The following CYB5R4 variants were observed in gnomAD, a reference collection of about 807,000 sequenced individuals.
The protein encoded by CYB5R4 is cytochrome b5 reductase 4.
CYB5R4 carries 55 observed loss-of-function variants against 70.2 expected under a neutral mutation model. The ratio of observed to expected loss-of-function variants is 0.78; its 90% CI spans 0.63 to 0.98. The LOEUF (loss-of-function observed/expected upper bound fraction) is 0.98, where lower values mean the gene tolerates loss of function less well. Among genes scored for constraint, CYB5R4 ranks in the 50% least tolerant of loss-of-function variants. CYB5R4 has a pLI of 0.00. For missense variants in CYB5R4, 562 were observed against 612.6 expected, an observed-to-expected ratio of 0.92 and a Z score of 0.87; for synonymous variants, 197 against 199.5, an observed-to-expected ratio of 0.99 and a Z score of 0.11.
At chr6:83,906,231 T>C (rs1350613597) in intron 3 of CYB5R4, among the ~76,000 whole-genome samples, 1 of 152,174 alleles carries the variant, frequency 6.6e-6, no homozygotes, top group Non-Finnish European at 1.5e-5. Context: ...GGTGACTTGC[T>C]CTTGCCTCAG....
chr6:83,880,521 T>G (rs2129131377), intron 2 of CYB5R4, among the ~76,000 whole-genome samples: 1 of 152,290 alleles, frequency 6.6e-6, no homozygotes, highest in Middle Eastern at 3.4e-3. Flanking sequence ...TTGTGTAATA[T>G]TGATGTAAGT....
At chr6:83,882,270 A>G (rs573550324) in intron 2 of CYB5R4, among the ~76,000 whole-genome samples, 1 of 152,332 alleles carries the variant, frequency 6.6e-6, no homozygotes, top group South Asian at 2.1e-4. Flanking sequence ...ACTGGCTTGA[A>G]TAACTAGATG....
chr6:83,922,604 GAT>G (rs2099466561), intron 9 of CYB5R4, 134 bp downstream of exon 9: 6 of 631,636 alleles, frequency 9.5e-6, no homozygotes, highest in East Asian at 5.7e-5. Flanking sequence ...GCAAAACAAA[GAT>G]GTGATGTTTT....
intron 4 of CYB5R4, chr6:83,910,048 A>G (rs1278708553): frequency 6.2e-7 from 1 of 1,612,530 alleles, no homozygotes; most frequent in Non-Finnish European, 8.5e-7. Context: ...TGCATTGGAC[A>G]GCTCTTTGGT....
At chr6:83,940,962 G>C (rs2099469675) in intron 14 of CYB5R4, among the ~76,000 whole-genome samples, 1 of 152,156 alleles carries the variant, frequency 6.6e-6, no homozygotes, top group Non-Finnish European at 1.5e-5. Flanking sequence ...GGTGAGAATG[G>C]ATTAAGCAAA....
chr6:83,917,432 T>C (rs529574271), intron 5 of CYB5R4, among the ~76,000 whole-genome samples: 1 of 152,280 alleles, frequency 6.6e-6, no homozygotes, highest in East Asian at 1.9e-4. Flanking sequence ...AGAATATTTA[T>C]ATCAACACTG....
intron 14 of CYB5R4, among the ~76,000 whole-genome samples, chr6:83,946,462 T>C (rs1022439059): frequency 2.0e-5 from 3 of 152,258 alleles, no homozygotes; most frequent in Admixed American, 1.3e-4. Flanking sequence ...ACATCTGATA[T>C]CATGCTGAAT....
chr6:83,895,046 A>G (rs1035577641), intron 3 of CYB5R4, among the ~76,000 whole-genome samples: 1 of 152,222 alleles, frequency 6.6e-6, no homozygotes, highest in East Asian at 1.9e-4. Flanking sequence ...CCTGGGTTGG[A>G]GAAGAGTCAT....
At chr6:83,923,238 A>T (rs2099466701) in intron 9 of CYB5R4, among the ~76,000 whole-genome samples, 1 of 152,164 alleles carries the variant, frequency 6.6e-6, no homozygotes, top group South Asian at 2.1e-4. Context: ...GGTTTTACAC[A>T]GCTATTTAAT....
rs571689095 is a variant in CYB5R4 at position 83,878,598 on chromosome 6, G to T, written c.229+14270G>T. On this transcript the variant is annotated intron_variant, in intron 2 of 15. Coordinates refer to ENST00000369681, the MANE Select transcript of CYB5R4 (RefSeq NM_016230.4). The stretch of plus-strand genomic sequence containing the variant: ...CCTGACCTTGTGATCCACCTGCCTC[G>T]GCCTCCCAAAGTGCTAGGATTACAG... Among the ~76,000 whole-genome samples, 4 of 152,086 alleles carry T rather than the reference G, an allele frequency of 2.6e-5. No individual in the cohort carries two copies. The East Asian group carries it at 7.7e-4, about 29-fold the overall frequency.
At chr6:83,957,222 A>T (rs1162502994) in intron 15 of CYB5R4, among the ~76,000 whole-genome samples, 1 of 152,120 alleles carries the variant, frequency 6.6e-6, no homozygotes, top group Non-Finnish European at 1.5e-5. Context: ...AATATAAAAA[A>T]TTTTTTATGA....
chr6:83,934,741 GT>G lies in CYB5R4; in HGVS notation c.955+7del. ...CCTCAAGCTACCTATTACAGGTAAG[GT>G]GAATAGAGGCTTTGGGACACAATTT... is the stretch of plus-strand genomic sequence containing the variant. On this transcript the variant is annotated splice_region_variant and intron_variant, in intron 11 of 15. Coordinates refer to ENST00000369681, the MANE Select transcript of CYB5R4 (RefSeq NM_016230.4). 1 of 1,605,908 alleles carries G rather than the reference GT, an allele frequency of 6.2e-7. No individual in the cohort carries two copies. The highest frequency in any genetic ancestry group is 8.5e-7 in the Non-Finnish European group (1 of 1,177,024).
chr6:83,905,453 G>T (rs1054111849), intron 3 of CYB5R4, among the ~76,000 whole-genome samples: 1 of 152,192 alleles, frequency 6.6e-6, no homozygotes, highest in Non-Finnish European at 1.5e-5. Flanking sequence ...GGTGTGTGCA[G>T]TAGTGTAGTC....
At chr6:83,867,603 T>C (rs2099456937) in intron 2 of CYB5R4, among the ~76,000 whole-genome samples, 1 of 152,182 alleles carries the variant, frequency 6.6e-6, no homozygotes, top group African/African-American at 2.4e-5. Context: ...TTGACAAAGG[T>C]CATGGAATAA....
chr6:83,959,704 A>AC, intron 15 of CYB5R4, 120 bp from the exon 16 acceptor site: 1 of 838,410 alleles, frequency 1.2e-6, no homozygotes, highest in East Asian at 3.0e-5. Flanking sequence ...TTATTTAAAA[A>AC]AAACTACATA....
At position 83,933,007 on chromosome 6, in the gene CYB5R4, T is replaced by C. The variant is rs1427969059; in HGVS notation, c.815-1588T>C. On this transcript the variant is annotated intron_variant, in intron 10 of 15. Coordinates refer to ENST00000369681, the MANE Select transcript of CYB5R4 (RefSeq NM_016230.4). ...TACTTTGACAGTTATTTGCGTGATT[T>C]ATAACGTTAAATATTTATACATATA... is the stretch of plus-strand genomic sequence containing the variant. Among the ~76,000 whole-genome samples, 4 of 152,208 alleles carry C rather than the reference T, an allele frequency of 2.6e-5. No homozygotes were observed. In the East Asian group the frequency reaches 5.8e-4, roughly 22 times the overall value.
intron 12 of CYB5R4, among the ~76,000 whole-genome samples, chr6:83,936,977 A>G (rs2099469010): frequency 6.6e-6 from 1 of 152,222 alleles, no homozygotes; most frequent in Non-Finnish European, 1.5e-5. Context: ...TACTTTTTTA[A>G]AAAGACCCAA....
At chr6:83,914,914 G>A (rs1283001239) in intron 5 of CYB5R4, among the ~76,000 whole-genome samples, 3 of 151,066 alleles carry the variant, frequency 2.0e-5, no homozygotes, top group Admixed American at 6.6e-5. Flanking sequence ...GGTTTTATAG[G>A]CTCCTTATTC....
chr6:83,936,458 C>A, intron 12 of CYB5R4, 82 bp downstream of exon 12: 1 of 1,229,788 alleles, frequency 8.1e-7, no homozygotes, highest in African/African-American at 1.5e-5. Context: ...ATGTAGGAGT[C>A]TATCAGATAT....
Sources: gnomAD v4.1 joint callset for allele counts (sites outside exome capture counted in the v4.1 genomes callset) on GRCh38, gnomAD v4.1.1 for gene constraint, MANE v1.5 for transcripts, NCBI Gene and HGNC (gene_info 2026-07-23, HGNC 2026-07-21) for gene names.